Variants in COP1 observed in about 807,000 individuals in gnomAD.
COP1 encodes the protein COP1 E3 ubiquitin ligase, also known as E3 ubiquitin-protein ligase COP1.
In COP1, 24 loss-of-function variants were observed where a neutral mutation model predicts 101.3. The observed-to-expected ratio is 0.24, with a 90% CI of 0.17 to 0.33. The LOEUF is 0.33. Ranked by LOEUF, COP1 falls within the 10% of genes least tolerant of loss-of-function variation. The pLI is 1.00. For missense variants in COP1, 663 were observed against 906.2 expected (o/e 0.73, Z 3.45); for synonymous variants, 347 against 341.9 (o/e 1.01, Z -0.17).
intron 15 of COP1, among the ~76,000 whole-genome samples, chr1:176,019,463 AAATAATAATAATAATAATAATAAT>A (rs34362717): frequency 9.1e-5 from 12 of 132,382 alleles, no homozygotes; most frequent in Admixed American, 4.6e-4. Flanking sequence ...ACTCCATCTC[AAATAATAATAATAATAATAATAAT>A]AATAATAATA....
chr1:175,992,298 T>C (rs1041061163), intron 15 of COP1, among the ~76,000 whole-genome samples: 3 of 152,234 alleles, frequency 2.0e-5, no homozygotes, highest in African/African-American at 7.2e-5. Flanking sequence ...AGCTCCAGTC[T>C]ACAGCTCCCA....
At chr1:175,965,239 G>T (rs138767936) in intron 18 of COP1, among the ~76,000 whole-genome samples, 1 of 152,148 alleles carries the variant, frequency 6.6e-6, no homozygotes, top group Non-Finnish European at 1.5e-5. Flanking sequence ...TACAGCCACA[G>T]AACAATTTCA....
intron 18 of COP1, among the ~76,000 whole-genome samples, chr1:175,975,943 T>A (rs978198511): frequency 5.9e-5 from 9 of 152,174 alleles, no homozygotes; most frequent in Admixed American, 5.9e-4. Context: ...AACAGTGAGA[T>A]CTCCATAAGG....
At chr1:176,086,439 G>A (rs1680188029) in intron 9 of COP1, among the ~76,000 whole-genome samples, 1 of 151,908 alleles carries the variant, frequency 6.6e-6, no homozygotes, top group Admixed American at 6.6e-5. Context: ...TGTTAGCCAG[G>A]ATGGTCTCGA....
chr1:176,174,994 T>C (rs904006000), intron 3 of COP1, among the ~76,000 whole-genome samples: 2 of 152,226 alleles, frequency 1.3e-5, no homozygotes, highest in African/African-American at 4.8e-5. Flanking sequence ...TTATCATTTA[T>C]ACTTAAGGAT....
chr1:175,948,921 T>C (rs1349182486), intron 18 of COP1, among the ~76,000 whole-genome samples: 1 of 150,088 alleles, frequency 6.7e-6, no homozygotes, highest in Non-Finnish European at 1.5e-5. Context: ...TCCCAGCACT[T>C]TGGGAGGCAG....
At chr1:176,155,890 T>C (rs1397313804) in intron 5 of COP1, among the ~76,000 whole-genome samples, 1 of 151,888 alleles carries the variant, frequency 6.6e-6, no homozygotes, top group East Asian at 1.9e-4. Flanking sequence ...AGCTTCTATA[T>C]AGAGCAAAAC....
chr1:175,966,642 G>A (rs1241766723), intron 18 of COP1, among the ~76,000 whole-genome samples: 1 of 152,144 alleles, frequency 6.6e-6, no homozygotes, highest in Non-Finnish European at 1.5e-5. Context: ...CAAAATGGAA[G>A]AAAGAAGAAA....
chr1:176,092,641 G>C (rs1572183222), intron 9 of COP1, among the ~76,000 whole-genome samples: 1 of 152,116 alleles, frequency 6.6e-6, no homozygotes, highest in African/African-American at 2.4e-5. Flanking sequence ...AAAAATTAAA[G>C]TCGCAACTAT....
At chr1:176,122,172 G>C (rs1468949041) in intron 8 of COP1, among the ~76,000 whole-genome samples, 2 of 147,718 alleles carry the variant, frequency 1.4e-5, no homozygotes, top group Non-Finnish European at 3.0e-5. Flanking sequence ...GGCTCAAAAA[G>C]ATGATTTAAG....
At position 175,986,929 on chromosome 1, in the gene COP1, A is replaced by T; in HGVS notation, c.2133+14T>A. ...ATGAGATCCCAAGGTGAAAAAACTG[A>T]TATGAAAACTTACCCCATCTGGTAG... is the stretch of plus-strand genomic sequence containing the variant. On this transcript the variant is annotated intron_variant, in intron 18 of 19. Coordinates refer to ENST00000367669, the MANE Select transcript of COP1 (RefSeq NM_022457.7). 6.4e-7 allele frequency: 1 copy of T among 1,561,006 alleles called. No individual in the cohort carries two copies. Among genetic ancestry groups the T allele is most frequent in the Non-Finnish European group, 8.6e-7 (1 of 1,157,964 alleles).
intron 15 of COP1, among the ~76,000 whole-genome samples, chr1:175,997,226 T>C (rs547525902): frequency 6.6e-6 from 1 of 151,566 alleles, no homozygotes; most frequent in East Asian, 1.9e-4. Context: ...ATCCCTTCCT[T>C]ACACCTTATA....
intron 2 of COP1, among the ~76,000 whole-genome samples, chr1:176,180,959 T>C (rs763454731): frequency 3.9e-5 from 6 of 152,134 alleles, no homozygotes; most frequent in African/African-American, 1.4e-4. Context: ...TAACTTGTAA[T>C]GAAGCGAAAT....
At chr1:176,043,363 C>T (rs554691876) in intron 13 of COP1, 96 bp from the exon 14 acceptor site, 155 of 718,636 alleles carry the variant, frequency 2.2e-4, no homozygotes, top group Non-Finnish European at 2.6e-4. Flanking sequence ...TTTATTGTTA[C>T]GGGGAGAGGG....
chr1:176,007,802 T>A (rs1365680677), intron 15 of COP1, among the ~76,000 whole-genome samples: 1 of 152,228 alleles, frequency 6.6e-6, no homozygotes, highest in Non-Finnish European at 1.5e-5. Context: ...TTTTTGTTTG[T>A]GTGTGCCCTG....
chr1:176,081,089 CTCAAAT>C, intron 11 of COP1, 57 bp downstream of exon 11: 1 of 1,396,334 alleles, frequency 7.2e-7, no homozygotes, highest in Non-Finnish European at 1.0e-6. Flanking sequence ...ATAAGTGCTT[CTCAAAT>C]TCAATTAGAT....
At chr1:176,170,864 G>A (rs1057452317) in intron 3 of COP1, among the ~76,000 whole-genome samples, 3 of 152,070 alleles carry the variant, frequency 2.0e-5, no homozygotes, top group South Asian at 2.1e-4. Flanking sequence ...GATAGCTCAC[G>A]CCTGTAATCC....
intron 15 of COP1, among the ~76,000 whole-genome samples, chr1:176,006,287 C>G (rs920952546): frequency 1.3e-5 from 2 of 152,050 alleles, no homozygotes; most frequent in Admixed American, 6.5e-5. Context: ...ACTGATGGGT[C>G]TTGACTCTTT....
intron 15 of COP1, among the ~76,000 whole-genome samples, chr1:176,013,165 T>C (rs929621044): frequency 6.6e-6 from 1 of 152,214 alleles, no homozygotes; most frequent in African/African-American, 2.4e-5. Flanking sequence ...AAAATTTATC[T>C]TATTTTTTAT....
Sources: allele counts gnomAD v4.1 joint callset (sites outside exome capture counted in the v4.1 genomes callset), GRCh38; gene constraint gnomAD v4.1.1; transcripts MANE v1.5; gene names NCBI Gene and HGNC (gene_info 2026-07-23, HGNC 2026-07-21).